Variants in CCDC3 observed in about 807,000 individuals in gnomAD.
CCDC3 encodes the protein coiled-coil domain-containing protein 3.
Under a neutral mutation model 21.4 loss-of-function variants are expected in CCDC3, and 24 were observed. The observed-to-expected ratio is 1.12, with a 90% confidence interval of 0.81 to 1.58. The LOEUF is 1.58. Among genes scored for constraint, CCDC3 ranks in the 40% most tolerant of loss-of-function variants. CCDC3 has a pLI of 0.00. For missense variants in CCDC3, 425 were observed against 360.9 expected (o/e 1.18, Z -1.44); for synonymous variants, 186 against 166.0 (o/e 1.12, Z -0.93).
At chr10:13,041,238 C>G (rs1836449985) in intron 5 of CCDC3, among the ~76,000 whole-genome samples, 1 of 152,104 alleles carries the variant, frequency 6.6e-6, no homozygotes, top group African/African-American at 2.4e-5. Context: ...TTTAGTATTT[C>G]TCTTGGTTTC....
rs368019655 is a variant in CCDC3 at position 13,019,275 on chromosome 10, A to G, written c.-1-20763T>C. The stretch of plus-strand genomic sequence containing the variant: ...AAAGAAAGAAAAATGAATAGAAAGT[A>G]TAGAAGACGTTTGGCTATTGTTATG... On this transcript the variant is annotated intron_variant, in intron 5 of 6. Coordinates refer to the CCDC3 transcript ENST00000378839. Among the ~76,000 whole-genome samples the G allele has an allele frequency of 2.6e-5, 4 of 152,282 alleles. No homozygotes were observed. In the East Asian group the frequency reaches 7.7e-4, roughly 29 times the overall value.
At chr10:13,029,652 T>G (rs1836272652) in intron 5 of CCDC3, among the ~76,000 whole-genome samples, 2 of 152,276 alleles carry the variant, frequency 1.3e-5, no homozygotes, top group East Asian at 3.9e-4. Flanking sequence ...CTAAATGACC[T>G]GACGGAGCTG....
At chr10:12,966,180 TA>T in intron 2 of CCDC3, among the ~76,000 whole-genome samples, 1 of 152,148 alleles carries the variant, frequency 6.6e-6, no homozygotes, top group African/African-American at 2.4e-5. Context: ...CTTACTCAGT[TA>T]CCAGCCTTAC....
intron 2 of CCDC3, among the ~76,000 whole-genome samples, chr10:12,926,763 A>G (rs183200181): frequency 1.6e-3 from 251 of 152,348 alleles, no homozygotes; most frequent in African/African-American, 5.7e-3. Flanking sequence ...AACACTAAGC[A>G]TAAGAAAGCT....
At chr10:12,936,221 T>C (rs1834735428) in intron 2 of CCDC3, among the ~76,000 whole-genome samples, 1 of 152,252 alleles carries the variant, frequency 6.6e-6, no homozygotes. Context: ...TTTCACAGTG[T>C]ACAGAATTGT....
intron 2 of CCDC3, among the ~76,000 whole-genome samples, chr10:12,957,188 CT>C (rs993111431): frequency 1.3e-5 from 2 of 152,216 alleles, no homozygotes; most frequent in African/African-American, 2.4e-5. Context: ...ACCAACCCCC[CT>C]GGCCACTTTG....
chr10:12,979,380 C>T (rs1835463325), intron 2 of CCDC3, among the ~76,000 whole-genome samples: 1 of 151,740 alleles, frequency 6.6e-6, no homozygotes, highest in Non-Finnish European at 1.5e-5. Flanking sequence ...TACAGAAGCT[C>T]CCCAAACCCT....
At chr10:13,090,235 C>T (rs559475194) in intron 3 of CCDC3, among the ~76,000 whole-genome samples, 28 of 149,944 alleles carry the variant, frequency 1.9e-4, no homozygotes, top group Non-Finnish European at 1.6e-4. Context: ...ACTACAGGTG[C>T]GTGCCACCAT....
intron 2 of CCDC3, among the ~76,000 whole-genome samples, chr10:12,992,492 A>G (rs1835696835): frequency 6.6e-6 from 1 of 152,148 alleles, no homozygotes. Context: ...GAATGAAATA[A>G]TGGCATTCGC....
At chr10:13,016,545 G>T (rs530055240) in intron 5 of CCDC3, among the ~76,000 whole-genome samples, 1 of 151,986 alleles carries the variant, frequency 6.6e-6, no homozygotes, top group South Asian at 2.1e-4. Flanking sequence ...ATCCTTGGGA[G>T]GCAGGAAGCC....
At chr10:13,002,775 C>T (rs2131289514), upstream of CCDC3, among the ~76,000 whole-genome samples, 2 of 152,318 alleles carry the variant, frequency 1.3e-5, no homozygotes, top group East Asian at 1.9e-4. Flanking sequence ...ACAGACCTTA[C>T]TTTCTCAGAG....
At chr10:12,990,034 T>C (rs919769531) in intron 2 of CCDC3, among the ~76,000 whole-genome samples, 6 of 151,826 alleles carry the variant, frequency 4.0e-5, no homozygotes, top group African/African-American at 1.5e-4. Context: ...GGGCAGATCA[T>C]GAGGTCAGGA....
intron 2 of CCDC3, among the ~76,000 whole-genome samples, chr10:12,963,588 T>G (rs896383218): frequency 1.1e-4 from 16 of 149,448 alleles, no homozygotes; most frequent in East Asian, 1.9e-4. Flanking sequence ...GGTTTTTTTT[T>G]TTTTTTTTTT....
intron 2 of CCDC3, among the ~76,000 whole-genome samples, chr10:12,951,353 CA>C (rs1007610543): frequency 2.6e-5 from 4 of 151,542 alleles, no homozygotes; most frequent in South Asian, 4.2e-4. Context: ...GAGACTGTCT[CA>C]AAAAAAAGTT....
chr10:13,014,078 G>A (rs1023046478), intron 5 of CCDC3, among the ~76,000 whole-genome samples: 1 of 151,992 alleles, frequency 6.6e-6, no homozygotes, highest in Non-Finnish European at 1.5e-5. Flanking sequence ...TTGAACCCGG[G>A]AGGTAGAGAT....
At chr10:13,023,152 A>C (rs2033441963) in intron 5 of CCDC3, among the ~76,000 whole-genome samples, 1 of 152,182 alleles carries the variant, frequency 6.6e-6, no homozygotes, top group Admixed American at 6.6e-5. Flanking sequence ...AAAATAAAAG[A>C]TATTTAACGC....
intron 4 of CCDC3, among the ~76,000 whole-genome samples, chr10:13,052,309 G>A (rs916790826): frequency 6.6e-6 from 1 of 151,962 alleles, no homozygotes; most frequent in African/African-American, 2.4e-5. Flanking sequence ...GGAGTTTGAG[G>A]CTACAGTGAG....
chr10:12,945,414 A>T (rs1185808883), intron 2 of CCDC3, among the ~76,000 whole-genome samples: 3 of 152,002 alleles, frequency 2.0e-5, no homozygotes, highest in Non-Finnish European at 4.4e-5. Context: ...AAAAAAGTAT[A>T]GGGAAAAAAA....
chr10:13,090,750 G>A (rs1351099547), intron 3 of CCDC3, among the ~76,000 whole-genome samples: 1 of 152,200 alleles, frequency 6.6e-6, no homozygotes, highest in African/African-American at 2.4e-5. Context: ...ATTAGTCAGG[G>A]TTCTCTAGAG....
Sources: gnomAD v4.1 joint callset for allele counts (sites outside exome capture counted in the v4.1 genomes callset) on GRCh38, gnomAD v4.1.1 for gene constraint, MANE v1.5 for transcripts, NCBI Gene and HGNC (gene_info 2026-07-23, HGNC 2026-07-21) for gene names.